Variants in ERBB4 observed in about 807,000 individuals in gnomAD.
The protein encoded by ERBB4 is receptor tyrosine-protein kinase erbB-4.
In ERBB4, 42 loss-of-function variants were observed where a neutral mutation model predicts 158.0. The ratio of observed to expected loss-of-function variants is 0.27; its 90% CI spans 0.21 to 0.34. The LOEUF (loss-of-function observed/expected upper bound fraction) is 0.34. Among genes scored for constraint, ERBB4 ranks in the 10% least tolerant of loss-of-function variants. ERBB4 has a pLI of 1.00. For synonymous variants in ERBB4, 583 were observed against 558.7 expected (o/e 1.04, Z -0.61); for missense variants, 1,333 against 1,624.1 (o/e 0.82, Z 3.08).
rs561735051 is a variant in ERBB4, at chr2:211,667,443, G to GAA, written c.1717-1968_1717-1967dup. ...TATTTTGCTGTGAGGCTCAGAGCTC[G>GAA]AAAAAAAAAAAAAAAGCCTATAAAA... On this transcript the variant is annotated intron_variant, in intron 14 of 27. Coordinates refer to ENST00000342788, the MANE Select transcript of ERBB4 (RefSeq NM_005235.3). Among the ~76,000 whole-genome samples, 6 of 110,224 alleles carry GAA rather than the reference G, an allele frequency of 5.4e-5. No homozygotes were observed. The South Asian group carries it at 1.2e-3, about 21-fold the overall frequency. 72.3% of individuals were successfully genotyped at this position (110,224 alleles called of 152,430 possible). A position where few individuals can be genotyped will look rare whatever the true frequency, so the allele number is the denominator to read the frequency against.
Position 211,664,733 on chromosome 2 carries a change from A to G in ERBB4, c.1871+590T>C, listed in dbSNP as rs117685761. Among the ~76,000 whole-genome samples the G allele has an allele frequency of 4.1e-3, 632 of 152,302 alleles. 21 individuals carry two copies. In the East Asian group the frequency reaches 0.065, roughly 16 times the overall value. On this transcript the variant is annotated intron_variant, in intron 15 of 27. Transcript: ENST00000342788. ...AATTTACCAAGCTTCAGATTGCCCT[A>G]TATCAGTCAAAGAAATTCAAGGCTA...
chr2:212,322,246 C>T lies in ERBB4; in HGVS notation c.83-197343G>A, dbSNP rs777699505. 3.8e-4 allele frequency among the ~76,000 whole-genome samples: 57 copies of T among 150,362 alleles called. 6 individuals are homozygous for T. The highest frequency in any genetic ancestry group is 4.0e-4 in the Admixed American group (6 of 15,092). ...GGCCTGGGTTCTAGACATGTGACTT[C>T]GGGCAAATAACTTCACCAACTTGAT... is the stretch of plus-strand genomic sequence containing the variant. On this transcript the variant is annotated intron_variant, in intron 1 of 27. Transcript: ENST00000342788.
chr2:212,432,909 C>T (rs1189844164), intron 1 of ERBB4, among the ~76,000 whole-genome samples: 2 of 152,004 alleles, frequency 1.3e-5, no homozygotes, highest in Non-Finnish European at 2.9e-5. Flanking sequence ...ACTCTGGAAT[C>T]ATCTCGAAGT....
intron 20 of ERBB4, among the ~76,000 whole-genome samples, chr2:211,556,779 C>A (rs1371289857): frequency 1.3e-5 from 2 of 152,010 alleles, no homozygotes; most frequent in African/African-American, 4.8e-5. Flanking sequence ...TCATATGGAA[C>A]CAAAAAAGAG....
At chr2:211,595,807 G>A (rs1376048345) in intron 19 of ERBB4, among the ~76,000 whole-genome samples, 1 of 152,136 alleles carries the variant, frequency 6.6e-6, no homozygotes, top group Non-Finnish European at 1.5e-5. Flanking sequence ...ATATGAAAGG[G>A]TCAAGTTTTT....
intron 1 of ERBB4, among the ~76,000 whole-genome samples, chr2:212,513,841 A>T (rs761857375): frequency 9.2e-5 from 14 of 152,272 alleles, no homozygotes; most frequent in South Asian, 2.1e-4. Context: ...AAATAAAAAG[A>T]ACAATTTAAG....
chr2:212,401,248 AG>A (rs2091194726), intron 1 of ERBB4, among the ~76,000 whole-genome samples: 1 of 152,168 alleles, frequency 6.6e-6, no homozygotes, highest in Non-Finnish European at 1.5e-5. Context: ...AGACTTAACT[AG>A]CAATGTAGTC....
intron 16 of ERBB4, among the ~76,000 whole-genome samples, chr2:211,643,148 A>G (rs988656092): frequency 1.3e-5 from 2 of 152,140 alleles, no homozygotes. Context: ...AACGTTAAGT[A>G]ACAACTTCCT....
At chr2:212,361,685 C>G (rs1264756094) in intron 1 of ERBB4, among the ~76,000 whole-genome samples, 2 of 151,630 alleles carry the variant, frequency 1.3e-5, no homozygotes, top group Non-Finnish European at 3.0e-5. Flanking sequence ...GAACTACTGT[C>G]ATTTTGAAAT....
At chr2:212,394,353 T>A (rs1214427977) in intron 1 of ERBB4, among the ~76,000 whole-genome samples, 2 of 152,124 alleles carry the variant, frequency 1.3e-5, no homozygotes, top group African/African-American at 4.8e-5. Flanking sequence ...TTTGAGTTAA[T>A]ATTATAATGG....
At position 211,659,278 on chromosome 2, in the gene ERBB4, A is replaced by G. The variant is rs556528646; in HGVS notation, c.1872-1450T>C. 4.3e-4 allele frequency among the ~76,000 whole-genome samples: 65 copies of G among 152,208 alleles called. No individual in the cohort carries two copies. The South Asian group carries it at 0.013, about 31-fold the overall frequency. On this transcript the variant is annotated intron_variant, in intron 15 of 27. Transcript: ENST00000342788. The stretch of plus-strand genomic sequence containing the variant: ...GAGTAGCGCAGACAAATTTTAATCT[A>G]TAGAAATAGAGAGAATACACCTGTA...
intron 2 of ERBB4, among the ~76,000 whole-genome samples, chr2:211,985,053 T>G (rs1429095616): frequency 2.0e-5 from 3 of 152,156 alleles, no homozygotes; most frequent in Non-Finnish European, 4.4e-5. Context: ...GTAACATAAT[T>G]ATATTTTGAA....
At chr2:211,568,114 C>CT (rs1278882648) in intron 19 of ERBB4, among the ~76,000 whole-genome samples, 5 of 150,826 alleles carry the variant, frequency 3.3e-5, no homozygotes, top group South Asian at 2.1e-4. Context: ...ATTATTCTGT[C>CT]TTTTTTTTCC....
chr2:211,649,344 A>C (rs191865701), intron 16 of ERBB4, among the ~76,000 whole-genome samples: 64 of 152,060 alleles, frequency 4.2e-4, no homozygotes, highest in Middle Eastern at 3.4e-3. Context: ...ATATAGATAC[A>C]TATTAGGATT....
At chr2:212,519,927 A>G (rs1475065235) in intron 1 of ERBB4, among the ~76,000 whole-genome samples, 1 of 151,990 alleles carries the variant, frequency 6.6e-6, no homozygotes, top group East Asian at 1.9e-4. Flanking sequence ...AGTATTCACA[A>G]TTCAAGAAAA....
At chr2:212,045,134 T>A (rs1394797271) in intron 2 of ERBB4, among the ~76,000 whole-genome samples, 2 of 152,196 alleles carry the variant, frequency 1.3e-5, no homozygotes, top group Non-Finnish European at 2.9e-5. Context: ...GGACTTGGAT[T>A]CCCTTGGTAT....
intron 13 of ERBB4, among the ~76,000 whole-genome samples, chr2:211,674,410 C>A (rs529060583): frequency 1.3e-5 from 2 of 151,886 alleles, no homozygotes; most frequent in Non-Finnish European, 2.9e-5. Context: ...TCTTTTCTGC[C>A]GGTTAGTTTA....
intron 1 of ERBB4, among the ~76,000 whole-genome samples, chr2:212,471,405 A>G (rs1477517334): frequency 1.3e-5 from 2 of 151,980 alleles, no homozygotes; most frequent in African/African-American, 2.4e-5. Flanking sequence ...CAGAAATACA[A>G]TAATCTACTA....
intron 2 of ERBB4, among the ~76,000 whole-genome samples, chr2:212,081,153 A>G (rs1213606017): frequency 6.6e-6 from 1 of 152,188 alleles, no homozygotes; most frequent in Non-Finnish European, 1.5e-5. Context: ...ATGTTAATTA[A>G]GCAAAGGCAT....
Sources: allele counts gnomAD v4.1 joint callset (sites outside exome capture counted in the v4.1 genomes callset), GRCh38; gene constraint gnomAD v4.1.1; transcripts MANE v1.5; gene names NCBI Gene and HGNC (gene_info 2026-07-23, HGNC 2026-07-21).